CXCL17: variants seen among roughly 807,000 people sequenced by gnomAD.
The protein encoded by CXCL17 is C-X-C motif chemokine 17.
In CXCL17, 9 loss-of-function variants were observed where a neutral mutation model predicts 15.5. The observed-to-expected ratio is 0.58, with a 90% CI of 0.35 to 1.01. The LOEUF (loss-of-function observed/expected upper bound fraction) is 1.01, where lower values mean the gene tolerates loss of function less well. CXCL17 is among the 50% of genes least tolerant of loss of function. The probability of loss-of-function intolerance (pLI) is 0.02; values close to 1 mark genes in which losing one functional copy is unlikely to be tolerated. For missense variants in CXCL17, 133 were observed against 138.2 expected (o/e 0.96, Z 0.19); for synonymous variants, 52 against 52.3 (o/e 0.99, Z 0.02).
In CXCL17 at chr19:42,428,692, G is replaced by C. The variant is rs986987297; in HGVS notation, c.*192C>G. The C allele has an allele frequency of 1.7e-6, 1 of 597,630 alleles. No homozygotes were observed. Among genetic ancestry groups the C allele is most frequent in the East Asian group, 2.8e-5 (1 of 35,930 alleles). 37.0% of individuals were successfully genotyped at this position (597,630 alleles called of 1,614,324 possible). On this transcript the variant is annotated 3_prime_UTR_variant, in exon 4 of 4. Coordinates refer to ENST00000601181, the MANE Select transcript of CXCL17 (RefSeq NM_198477.3). ...TAAGGGGAGGGCACAGGCTAAGACT[G>C]ACGAGAGAAGAAGACACTAGAGAGA...
chr19:42,440,623 T>C (rs1332916777), intron 1 of CXCL17, among the ~76,000 whole-genome samples: 3 of 152,220 alleles, frequency 2.0e-5, no homozygotes, highest in Non-Finnish European at 4.4e-5. Flanking sequence ...CTGCGGATCA[T>C]TTAATCTTCA....
intron 3 of CXCL17, among the ~76,000 whole-genome samples, chr19:42,429,845 A>G (rs767567879): frequency 3.3e-5 from 5 of 152,218 alleles, no homozygotes; most frequent in Non-Finnish European, 5.9e-5. Flanking sequence ...AAATGAGATT[A>G]TACTATACGT....
intron 1 of CXCL17, among the ~76,000 whole-genome samples, chr19:42,438,530 TAACTGA>T (rs1568622803): frequency 1.3e-5 from 2 of 151,236 alleles, no homozygotes; most frequent in African/African-American, 4.9e-5. Context: ...TGTTGGCGGG[TAACTGA>T]AACTGCGATT....
At chr19:42,439,994 G>T (rs191758075) in intron 1 of CXCL17, among the ~76,000 whole-genome samples, 114 of 152,252 alleles carry the variant, frequency 7.5e-4, no homozygotes, top group Admixed American at 1.6e-3. Flanking sequence ...TTGTATTATG[G>T]TTACATAAGA....
chr19:42,434,841 T>G (rs561713527), intron 1 of CXCL17, among the ~76,000 whole-genome samples: 4 of 152,266 alleles, frequency 2.6e-5, no homozygotes, highest in East Asian at 3.9e-4. Flanking sequence ...CGAGCCTGTT[T>G]TATTTTCCGA....
intron 3 of CXCL17, among the ~76,000 whole-genome samples, chr19:42,430,694 T>G (rs1380507398): frequency 6.6e-6 from 1 of 152,178 alleles, no homozygotes; most frequent in Non-Finnish European, 1.5e-5. Context: ...AGTGATAATC[T>G]TGACTTTTAT....
chr19:42,431,659 A>G (rs1437549750), intron 3 of CXCL17, among the ~76,000 whole-genome samples: 1 of 150,766 alleles, frequency 6.6e-6, no homozygotes, highest in Admixed American at 6.6e-5. Context: ...CAGCCAACAC[A>G]TAATGATTTA....
At chr19:42,438,615 A>G (rs1448105127) in intron 1 of CXCL17, among the ~76,000 whole-genome samples, 1 of 151,776 alleles carries the variant, frequency 6.6e-6, no homozygotes, top group African/African-American at 2.4e-5. Flanking sequence ...GAGGGCCTAG[A>G]AGCACCAGCA....
intron 3 of CXCL17, among the ~76,000 whole-genome samples, chr19:42,430,899 G>T (rs1359047753): frequency 6.6e-6 from 1 of 151,870 alleles, no homozygotes; most frequent in African/African-American, 2.4e-5. Context: ...GTGCAGTGGC[G>T]TGATCTTGGC....
intron 1 of CXCL17, among the ~76,000 whole-genome samples, chr19:42,436,619 G>A (rs2040836824): frequency 6.6e-6 from 1 of 152,026 alleles, no homozygotes; most frequent in African/African-American, 2.4e-5. Flanking sequence ...TATTAATATA[G>A]TGATAACCAT....
chr19:42,437,842 G>A (rs2040848026), intron 1 of CXCL17, among the ~76,000 whole-genome samples: 1 of 152,136 alleles, frequency 6.6e-6, no homozygotes, highest in South Asian at 2.1e-4. Context: ...GGACAAAGTT[G>A]TGTAACTTTT....
At chr19:42,438,381 A>AAAAAAATATAT (rs1555793041) in intron 1 of CXCL17, among the ~76,000 whole-genome samples, 4 of 63,852 alleles carry the variant, frequency 6.3e-5, no homozygotes, top group African/African-American at 1.5e-4. Flanking sequence ...AAAAAAAAAA[A>AAAAAAATATAT]ATATATATAT....
intron 1 of CXCL17, among the ~76,000 whole-genome samples, chr19:42,435,058 A>C (rs891821250): frequency 1.3e-5 from 2 of 151,988 alleles, no homozygotes; most frequent in Non-Finnish European, 2.9e-5. Flanking sequence ...GGGCGCCTGT[A>C]GTCCCAGCTA....
chr19:42,435,093 C>T (rs2040820680), intron 1 of CXCL17, among the ~76,000 whole-genome samples: 1 of 151,538 alleles, frequency 6.6e-6, no homozygotes, highest in Non-Finnish European at 1.5e-5. Flanking sequence ...GCAGGAGAAT[C>T]TCTTGACCCC....
In CXCL17 at chr19:42,432,989, A is replaced by T. The variant is rs750885660; in HGVS notation, c.249T>A (p.Asn83Lys). The T allele has an allele frequency of 1.2e-6, 2 of 1,613,394 alleles. No homozygotes were observed. The highest frequency in any genetic ancestry group is 8.5e-7 in the Non-Finnish European group (1 of 1,179,528). ...KQCPCDHFKGNVKKTRHQRHH... is the reference protein window; with the variant it reads ...KQCPCDHFKGKVKKTRHQRHH... ...TTGGAAACTTACTTGTTTTCTTCAC[A>T]TTGCCCTTGAAATGATCACAGGGGC... Residue 83 changes from asparagine (N) to lysine (K), a missense_variant, in exon 3 of 4, where the codon AAT becomes AAA. Physicochemically the swap from Asn to Lys is moderately conservative, Grantham distance 94. Transcript: ENST00000601181.
At chr19:42,433,751 CTGT>C (rs750927822) in intron 2 of CXCL17, 22 bp downstream of exon 2, 17 of 1,597,192 alleles carry the variant, frequency 1.1e-5, no homozygotes, top group Non-Finnish European at 1.4e-5. Flanking sequence ...GATGCCATCG[CTGT>C]TGTTGTTGCT....
intron 1 of CXCL17, among the ~76,000 whole-genome samples, chr19:42,441,076 G>T (rs1427884342): frequency 6.6e-6 from 1 of 152,208 alleles, no homozygotes; most frequent in Non-Finnish European, 1.5e-5. Context: ...GCAACCTGAG[G>T]ATGCATTCTT....
intron 1 of CXCL17, among the ~76,000 whole-genome samples, chr19:42,441,848 A>G (rs193077673): frequency 1.3e-5 from 2 of 152,334 alleles, no homozygotes; most frequent in East Asian, 1.9e-4. Flanking sequence ...CCCCTAAGCT[A>G]AAGTCGGCTT....
intron 3 of CXCL17, among the ~76,000 whole-genome samples, chr19:42,432,141 GTT>G (rs370344388): frequency 3.7e-5 from 4 of 108,620 alleles, no homozygotes; most frequent in Non-Finnish European, 5.3e-5. Flanking sequence ...TGCCAATTTA[GTT>G]TTTTTTTTTT....
Sources: allele counts gnomAD v4.1 joint callset (sites outside exome capture counted in the v4.1 genomes callset), GRCh38; gene constraint gnomAD v4.1.1; transcripts MANE v1.5; gene names NCBI Gene and HGNC (gene_info 2026-07-23, HGNC 2026-07-21).